MTMR7: variants seen among roughly 807,000 people sequenced by gnomAD.
MTMR7 encodes myotubularin related protein 7, also known as phosphatidylinositol-3-phosphate phosphatase MTMR7.
In MTMR7, 76 loss-of-function variants were observed where a neutral mutation model predicts 81.2. That is an observed-to-expected ratio of 0.94 (90% confidence interval 0.78 to 1.13). The LOEUF (loss-of-function observed/expected upper bound fraction) is 1.13, where lower values mean the gene tolerates loss of function less well. MTMR7 is among the 50% of genes most tolerant of loss of function. MTMR7 has a pLI of 0.00. For missense variants in MTMR7, 1,044 were observed against 820.0 expected, an observed-to-expected ratio of 1.27 and a Z score of -3.34; for synonymous variants, 372 against 289.8, an observed-to-expected ratio of 1.28 and a Z score of -2.88.
intron 8 of MTMR7, 124 bp downstream of exon 8, chr8:17,313,168 A>G: frequency 1.6e-6 from 1 of 612,108 alleles, no homozygotes; most frequent in Non-Finnish European, 2.8e-6. Flanking sequence ...GAGCTCTACA[A>G]AGCTGGCTAT....
intron 1 of MTMR7, among the ~76,000 whole-genome samples, chr8:17,408,546 T>C (rs924815916): frequency 6.6e-6 from 1 of 152,134 alleles, no homozygotes; most frequent in African/African-American, 2.4e-5. Context: ...AACTACTGAA[T>C]CTGCTATTAG....
At chr8:17,323,627 C>G (rs1818521413) in intron 7 of MTMR7, among the ~76,000 whole-genome samples, 1 of 152,092 alleles carries the variant, frequency 6.6e-6, no homozygotes. Context: ...AAATGAGCAG[C>G]ACTTGCAGCA....
intron 4 of MTMR7, among the ~76,000 whole-genome samples, chr8:17,349,819 G>A (rs1819673406): frequency 6.6e-6 from 1 of 152,182 alleles, no homozygotes. Flanking sequence ...GTGGAAGGGT[G>A]CCTTGGAAGG....
intron 1 of MTMR7, among the ~76,000 whole-genome samples, chr8:17,395,240 A>G (rs1343556204): frequency 6.6e-6 from 1 of 152,198 alleles, no homozygotes; most frequent in African/African-American, 2.4e-5. Flanking sequence ...TGTAGCATGT[A>G]TCAGAACTTC....
chr8:17,395,305 T>C (rs904243698), intron 1 of MTMR7, among the ~76,000 whole-genome samples: 1 of 152,240 alleles, frequency 6.6e-6, no homozygotes, highest in Non-Finnish European at 1.5e-5. Flanking sequence ...ATATTCTGTT[T>C]ATCTGTTCAT....
At chr8:17,410,549 C>A (rs1557589) in intron 1 of MTMR7, among the ~76,000 whole-genome samples, 3 of 151,994 alleles carry the variant, frequency 2.0e-5, no homozygotes, top group African/African-American at 7.3e-5. Flanking sequence ...TGGTGTCCCC[C>A]CTTTAACCCA....
In MTMR7 at chr8:17,413,266, A is replaced by T; in HGVS notation, c.24+3T>A. 1.9e-6 allele frequency: 3 copies of T among 1,547,998 alleles called. No individual in the cohort carries two copies. The highest frequency in any genetic ancestry group is 3.4e-4 in the Middle Eastern group (2 of 5,966). ...CTCCTCCGCCCGCGCTGGTGTCACC[A>T]ACCTTGGGCGTACGGATGTGCTCCA... is the stretch of plus-strand genomic sequence containing the variant. On this transcript the variant is annotated splice_donor_region_variant and intron_variant, in intron 1 of 13. Coordinates refer to ENST00000180173, the MANE Select transcript of MTMR7 (RefSeq NM_004686.5).
chr8:17,379,080 G>T (rs1013554810), intron 1 of MTMR7, among the ~76,000 whole-genome samples: 1 of 152,142 alleles, frequency 6.6e-6, no homozygotes, highest in South Asian at 2.1e-4. Context: ...GCTATCAAGA[G>T]GATAGCAGAG....
intron 9 of MTMR7, among the ~76,000 whole-genome samples, 174 bp downstream of exon 9, chr8:17,311,337 C>T (rs932658454): frequency 6.6e-6 from 1 of 152,170 alleles, no homozygotes; most frequent in Non-Finnish European, 1.5e-5. Context: ...TCCAAGCCTT[C>T]CCCTTTAATC....
chr8:17,379,773 G>A (rs1307679888), intron 1 of MTMR7, among the ~76,000 whole-genome samples: 1 of 152,078 alleles, frequency 6.6e-6, no homozygotes, highest in African/African-American at 2.4e-5. Flanking sequence ...AAGTGTTTTT[G>A]GGGTTTTTTG....
intron 1 of MTMR7, among the ~76,000 whole-genome samples, chr8:17,389,636 G>C (rs906857969): frequency 1.3e-5 from 2 of 152,150 alleles, no homozygotes; most frequent in Admixed American, 6.6e-5. Flanking sequence ...ATGGCTTATA[G>C]GTAGAATTAA....
intron 1 of MTMR7, among the ~76,000 whole-genome samples, chr8:17,412,471 A>G (rs1285091234): frequency 1.3e-5 from 2 of 152,228 alleles, no homozygotes; most frequent in African/African-American, 4.8e-5. Context: ...ATCATGCAGT[A>G]ACGTCGATCA....
At chr8:17,374,772 C>G (rs912759679) in intron 1 of MTMR7, among the ~76,000 whole-genome samples, 1 of 151,914 alleles carries the variant, frequency 6.6e-6, no homozygotes, top group Non-Finnish European at 1.5e-5. Context: ...AAGATCGTGC[C>G]ACTGAACTCC....
intron 7 of MTMR7, among the ~76,000 whole-genome samples, chr8:17,329,905 A>C (rs1267877970): frequency 1.3e-5 from 2 of 152,206 alleles, no homozygotes; most frequent in Admixed American, 6.5e-5. Flanking sequence ...AATTATGTAC[A>C]GAAGATGGAA....
In MTMR7 at chr8:17,302,028, T is replaced by C. The variant is rs892538547; in HGVS notation, c.1620+126A>G. 47 of 1,254,222 alleles carry C rather than the reference T, an allele frequency of 3.7e-5. 1 individual carries two copies. Among genetic ancestry groups the C allele is most frequent in the Non-Finnish European group, 4.8e-5 (43 of 891,396 alleles). The allele number at this position is 1,254,222 out of a possible 1,614,324, so 77.7% of individuals were successfully genotyped here. On this transcript the variant is annotated intron_variant, in intron 13 of 13. Transcript: ENST00000180173. The stretch of plus-strand genomic sequence containing the variant: ...GTCCTGACCTGGATGGGGTTGTGTT[T>C]CAGGTGTTCTACTGACTAAAAATGT...
intron 8 of MTMR7, among the ~76,000 whole-genome samples, chr8:17,312,771 G>A (rs1005497443): frequency 6.6e-5 from 10 of 151,964 alleles, no homozygotes; most frequent in African/African-American, 2.2e-4. Flanking sequence ...GGAAGATATG[G>A]TTCTCTTTAG....
intron 6 of MTMR7, among the ~76,000 whole-genome samples, chr8:17,336,978 A>G (rs1174139829): frequency 6.6e-6 from 1 of 152,212 alleles, no homozygotes; most frequent in African/African-American, 2.4e-5. Context: ...GACCCTGGGC[A>G]AATTACTTAA....
At chr8:17,352,256 G>C (rs541822935) in intron 4 of MTMR7, among the ~76,000 whole-genome samples, 1 of 152,226 alleles carries the variant, frequency 6.6e-6, no homozygotes, top group East Asian at 1.9e-4. Context: ...AGACAAATAG[G>C]CCAATGGAAT....
chr8:17,322,948 A>AT (rs1419579227), intron 7 of MTMR7, among the ~76,000 whole-genome samples: 1 of 94,966 alleles, frequency 1.1e-5, no homozygotes, highest in East Asian at 5.0e-4. Flanking sequence ...GGATTGAATT[A>AT]TCTTTTTTTT....
Sources: gnomAD v4.1 joint callset for allele counts (sites outside exome capture counted in the v4.1 genomes callset) on GRCh38, gnomAD v4.1.1 for gene constraint, MANE v1.5 for transcripts, NCBI Gene and HGNC (gene_info 2026-07-23, HGNC 2026-07-21) for gene names.